Variants in NKTR observed in about 807,000 individuals in gnomAD.
NKTR encodes the protein natural killer cell triggering receptor.
Under a neutral mutation model 156.3 loss-of-function variants are expected in NKTR, and 67 were observed. The ratio of observed to expected loss-of-function variants is 0.43; its 90% CI spans 0.35 to 0.53. The LOEUF (loss-of-function observed/expected upper bound fraction) is 0.53, where lower values mean the gene tolerates loss of function less well. Among genes scored for constraint, NKTR ranks in the 20% least tolerant of loss-of-function variants. NKTR has a pLI of 0.01. For missense variants in NKTR, 1,604 were observed against 1,730.9 expected, an observed-to-expected ratio of 0.93 and a Z score of 1.30; for synonymous variants, 640 against 596.6, an observed-to-expected ratio of 1.07 and a Z score of -1.06.
At chr3:42,632,853 C>G (rs1709042598) in intron 9 of NKTR, 30 bp downstream of exon 9, 1 of 1,487,364 alleles carries the variant, frequency 6.7e-7, no homozygotes, top group Non-Finnish European at 8.9e-7. Flanking sequence ...GTACTCTTAC[C>G]TAAAAACAAA....
chr3:42,614,451 A>T (rs1707154859), intron 2 of NKTR, among the ~76,000 whole-genome samples: 1 of 151,462 alleles, frequency 6.6e-6, no homozygotes, highest in South Asian at 2.1e-4. Flanking sequence ...TTTTTTAAAG[A>T]CCATACCTTT....
intron 2 of NKTR, chr3:42,601,962 T>C (rs770831894): frequency 7.9e-5 from 12 of 152,196 alleles, no homozygotes; most frequent in Non-Finnish European, 1.5e-4. Flanking sequence ...AACAGTGACT[T>C]GTAGTTGGGA....
At chr3:42,639,802 T>C in intron 13 of NKTR, 52 bp downstream of exon 13, 1 of 1,236,406 alleles carries the variant, frequency 8.1e-7, no homozygotes, top group Non-Finnish European at 1.1e-6. Flanking sequence ...TGTTATTGTT[T>C]AGCTTGGAAG....
At position 42,637,986 on chromosome 3, in the gene NKTR, C is replaced by T. The variant is rs1170758043; in HGVS notation, c.2282C>T (p.Ser761Phe). The T allele has an allele frequency of 6.2e-7, 1 of 1,613,782 alleles. No homozygotes were observed. The highest frequency in any genetic ancestry group is 1.1e-5 in the South Asian group (1 of 91,032). Residue 761 changes from serine (S) to phenylalanine (F), a missense_variant, in exon 13 of 17, where the codon TCC (serine) becomes TTC (phenylalanine). By Grantham distance (155) the Ser-to-Phe change is radical. Transcript: ENST00000232978. The part of the protein sequence containing the change: ...DGRRAKRRLR[S>F]SGKKNSVSHK... The stretch of plus-strand genomic sequence containing the variant: ...AGGCGAGCTAAGAGGAGACTTAGAT[C>T]CAGTGGGAAAAAAAATAGCGTTTCA...
At chr3:42,616,845 G>T (rs1707416905) in intron 2 of NKTR, among the ~76,000 whole-genome samples, 1 of 152,130 alleles carries the variant, frequency 6.6e-6, no homozygotes, top group South Asian at 2.1e-4. Context: ...TTGCAGCCTT[G>T]AAATCCTGGG....
chr3:42,638,069 A>G lies in NKTR; in HGVS notation c.2365A>G (p.Arg789Gly), dbSNP rs1340100487. The G allele has an allele frequency of 6.2e-7, 1 of 1,614,042 alleles. No individual in the cohort carries two copies. The highest frequency in any genetic ancestry group is 8.5e-7 in the Non-Finnish European group (1 of 1,180,014). The change falls in exon 13 of 17, where the codon AGA (arginine) becomes GGA (glycine). Residue 789 changes from arginine (R) to glycine (G), a missense_variant. Physicochemically the swap from Arg to Gly is moderately radical, Grantham distance 125 (BLOSUM62 -2). Around this residue, in one of 6 missense-constraint regions of NKTR, gnomAD observed 1,255 missense variants for 1,243.7 expected, o/e 1.01. Transcript: ENST00000232978. ...KTLHSKYVKG[R>G]DRSSCVRKYS... ...ACTTCACAGTAAATATGTCAAAGGT[A>G]GAGACAGGTCTTCATGTGTGAGAAA...
rs757611176 is a variant in NKTR at position 42,639,640 on chromosome 3, G to A, written c.3936G>A (p.Arg1312=). Residue 1312 remains arginine (R), a synonymous_variant, in exon 13 of 17, where the codon AGG becomes AGA. Transcript: ENST00000232978. The stretch of plus-strand genomic sequence containing the variant: ...GTCGGGATGATGATAGCCAGTCCAG[G>A]AGTCCAAGTAGATCTCGAAGTAAAT... ...TPSRDDDSQS[R]SPSRSRSKSE... is the part of the protein sequence containing the mutation. The A allele has an allele frequency of 5.0e-6, 8 of 1,614,014 alleles. No homozygotes were observed. In the Admixed American group the frequency reaches 6.7e-5, roughly 13 times the overall value.
intron 6 of NKTR, chr3:42,627,768 T>C: frequency 1.0e-6 from 1 of 983,346 alleles, no homozygotes. Flanking sequence ...TTTTTAGGTA[T>C]GTTTTCATAA....
intron 6 of NKTR, among the ~76,000 whole-genome samples, chr3:42,626,350 C>T (rs1708385746): frequency 6.6e-6 from 1 of 151,736 alleles, no homozygotes; most frequent in African/African-American, 2.4e-5. Context: ...GTATTTTGAT[C>T]TGAGTAGTAA....
chr3:42,630,291 T>C (rs1708770123), intron 6 of NKTR: 1 of 1,218,770 alleles, frequency 8.2e-7, no homozygotes. Flanking sequence ...TCAAACTGAT[T>C]TCATATGTAT....
chr3:42,611,588 C>T (rs1706816934), intron 2 of NKTR, among the ~76,000 whole-genome samples: 1 of 152,004 alleles, frequency 6.6e-6, no homozygotes, highest in Non-Finnish European at 1.5e-5. Context: ...AAAAAATTAG[C>T]TGGGCATAGT....
intron 13 of NKTR, among the ~76,000 whole-genome samples, chr3:42,640,059 G>A (rs772830465): frequency 1.3e-5 from 2 of 152,170 alleles, no homozygotes; most frequent in Non-Finnish European, 2.9e-5. Context: ...CCAGTCAAGT[G>A]ATGCCTTAGA....
chr3:42,622,186 G>A lies in NKTR; in HGVS notation c.374+670G>A, dbSNP rs1577487449. Among the ~76,000 whole-genome samples, 3 of 152,044 alleles carry A rather than the reference G, an allele frequency of 2.0e-5. No individual in the cohort carries two copies. The South Asian group carries it at 6.2e-4, about 31-fold the overall frequency. ...AAAGCAAATATATTTACATGGATGT[G>A]CATTGCACAACCAAAAACTTACCTT... On this transcript the variant is annotated intron_variant, in intron 6 of 16. Coordinates refer to ENST00000232978, the MANE Select transcript of NKTR (RefSeq NM_005385.4).
intron 1 of NKTR, 23 bp from the exon 2 acceptor site, chr3:42,600,961 G>T (rs1411794999): frequency 4.2e-6 from 6 of 1,424,404 alleles, no homozygotes; most frequent in Admixed American, 4.4e-5. Context: ...TGCCCTGACC[G>T]CTTTTCTCCC....
intron 5 of NKTR, chr3:42,620,040 A>G: frequency 6.5e-7 from 1 of 1,534,700 alleles, no homozygotes; most frequent in Middle Eastern, 1.7e-4. Context: ...TGCAAAATGA[A>G]AAGGTAAGAG....
intron 2 of NKTR, among the ~76,000 whole-genome samples, chr3:42,608,205 G>C (rs1706424812): frequency 6.6e-6 from 1 of 151,626 alleles, no homozygotes; most frequent in African/African-American, 2.4e-5. Flanking sequence ...TGGTCAGGCT[G>C]GTCCTAAACT....
chr3:42,610,193 G>A (rs148778243), intron 2 of NKTR, among the ~76,000 whole-genome samples: 12 of 152,086 alleles, frequency 7.9e-5, no homozygotes, highest in African/African-American at 1.4e-4. Flanking sequence ...TAGTAGAGAC[G>A]GGGTTTCTCC....
chr3:42,635,011 C>G (rs1709247933), intron 11 of NKTR: 1 of 440,618 alleles, frequency 2.3e-6, no homozygotes, highest in African/African-American at 2.1e-5. Flanking sequence ...CTTTTAATGC[C>G]TTGTTTGAAA....
chr3:42,605,494 T>G (rs571718815), intron 2 of NKTR, among the ~76,000 whole-genome samples: 4 of 152,358 alleles, frequency 2.6e-5, no homozygotes, highest in Admixed American at 1.3e-4. Context: ...TGAGTACTAC[T>G]TGTGTCCTTG....
Sources: allele counts gnomAD v4.1 joint callset (sites outside exome capture counted in the v4.1 genomes callset), GRCh38; gene constraint gnomAD v4.1.1; regional missense constraint gnomAD v4.1.1; transcripts MANE v1.5; gene names NCBI Gene and HGNC (gene_info 2026-07-23, HGNC 2026-07-21).